The following ATP6V0A2 variants were observed in gnomAD, a reference collection of about 807,000 sequenced individuals.
The protein encoded by ATP6V0A2 is ATPase H+ transporting V0 subunit a2, also known as V-type proton ATPase 116 kDa subunit a 2.
In ATP6V0A2, 58 loss-of-function variants were observed where a neutral mutation model predicts 104.4. The ratio of observed to expected loss-of-function variants is 0.56; its 90% CI spans 0.45 to 0.69. The LOEUF (loss-of-function observed/expected upper bound fraction) is 0.69, where lower values mean the gene tolerates loss of function less well. ATP6V0A2 is among the 30% of genes least tolerant of loss of function. The probability of loss-of-function intolerance (pLI) is 0.00; values close to 1 mark genes in which losing one functional copy is unlikely to be tolerated. For synonymous variants in ATP6V0A2, 376 were observed against 397.9 expected (o/e 0.95, Z 0.65); for missense variants, 938 against 1,062.9 (o/e 0.88, Z 1.63).
rs546746967 is a variant in ATP6V0A2 at position 123,745,566 on chromosome 12, T to C, written c.1605+594T>C. Among the ~76,000 whole-genome samples the C allele has an allele frequency of 2.4e-3, 370 of 151,694 alleles. 3 individuals carry two copies. The highest frequency in any genetic ancestry group is 8.2e-3 in the African/African-American group (338 of 41,398). On this transcript the variant is annotated intron_variant, in intron 13 of 19. Transcript: ENST00000330342. ...CTAAAAATACAAAAAATTAGCTGGGTGTGGTGGCTGGCGCCTGTAGTCCCA... is the reference window on the plus strand; with the variant it reads ...CTAAAAATACAAAAAATTAGCTGGGCGTGGTGGCTGGCGCCTGTAGTCCCA...
intron 7 of ATP6V0A2, 37 bp from the exon 8 acceptor site, chr12:123,735,494 G>A: frequency 1.3e-6 from 2 of 1,581,622 alleles, no homozygotes; most frequent in South Asian, 1.1e-5. Flanking sequence ...TTCTAGTGCT[G>A]ACAGATGTGA....
chr12:123,736,640 G>T (rs564550596), intron 8 of ATP6V0A2, among the ~76,000 whole-genome samples: 1 of 152,202 alleles, frequency 6.6e-6, no homozygotes, highest in Non-Finnish European at 1.5e-5. Flanking sequence ...TCAGTTAAGC[G>T]AGAGGATTTC....
chr12:123,712,669 T>G lies in ATP6V0A2; in HGVS notation c.104T>G (p.Val35Gly). The change falls in exon 1 of 20, where the codon GTC (valine) becomes GGC (glycine). Residue 35 changes from valine (V) to glycine (G), a missense_variant. Transcript: ENST00000330342. ...AGCGCCCTGGGCGAGAAAGGCCTGGTCCAGTTCCGAGACGTGAGTGTCGCC... is the reference window on the plus strand; with the variant it reads ...AGCGCCCTGGGCGAGAAAGGCCTGGGCCAGTTCCGAGACGTGAGTGTCGCC... ...CLSALGEKGL[V>G]QFRDLNQNVS... The G allele has an allele frequency of 1.9e-6, 3 of 1,610,108 alleles. No individual in the cohort carries two copies. Among genetic ancestry groups the G allele is most frequent in the Non-Finnish European group, 2.5e-6 (3 of 1,178,852 alleles).
chr12:123,713,524 T>A (rs1956312454), intron 1 of ATP6V0A2, among the ~76,000 whole-genome samples: 1 of 152,166 alleles, frequency 6.6e-6, no homozygotes, highest in Non-Finnish European at 1.5e-5. Flanking sequence ...ATTTGTTGAA[T>A]GAACAGACAA....
intron 1 of ATP6V0A2, among the ~76,000 whole-genome samples, chr12:123,715,990 C>T (rs1956335114): frequency 1.3e-5 from 2 of 152,018 alleles, no homozygotes; most frequent in Non-Finnish European, 2.9e-5. Flanking sequence ...TTCTCACTTC[C>T]CAGACTAGAT....
chr12:123,757,683 G>A (rs753193807), intron 19 of ATP6V0A2, among the ~76,000 whole-genome samples: 2 of 152,164 alleles, frequency 1.3e-5, no homozygotes, highest in East Asian at 1.9e-4. Context: ...ACTTGTGCAC[G>A]TGCTTTTGTG....
At chr12:123,754,663 T>C in intron 18 of ATP6V0A2, 126 bp downstream of exon 18, 1 of 729,654 alleles carries the variant, frequency 1.4e-6, no homozygotes, top group Admixed American at 2.0e-5. Context: ...CCACGTGAAC[T>C]TACACTATTC....
At position 123,744,407 on chromosome 12, in the gene ATP6V0A2, C is replaced by T; in HGVS notation, c.1326+70C>T. On this transcript the variant is annotated intron_variant, in intron 11 of 19. Coordinates refer to ENST00000330342, the MANE Select transcript of ATP6V0A2 (RefSeq NM_012463.4). This position sits in a 1 kb window ranked among gnomAD's most constrained non-coding sequence, Gnocchi z 5.4. ...TTAGCAGTGACCGAAAGAGAGACAC[C>T]TCTTAGATGTTTGCTGTAGGCTGCG... 1.2e-6 allele frequency: 2 copies of T among 1,603,040 alleles called. No individual in the cohort carries two copies. Among genetic ancestry groups the T allele is most frequent in the Admixed American group, 3.3e-5 (2 of 59,986 alleles).
intron 9 of ATP6V0A2, among the ~76,000 whole-genome samples, chr12:123,742,402 G>C (rs558653791): frequency 2.8e-4 from 42 of 152,232 alleles, no homozygotes; most frequent in Admixed American, 5.2e-4. Context: ...GTGGGGACGT[G>C]GTTTGGCTGT....
intron 9 of ATP6V0A2, among the ~76,000 whole-genome samples, chr12:123,739,942 C>T (rs1956592189): frequency 6.6e-6 from 1 of 151,854 alleles, no homozygotes; most frequent in South Asian, 2.1e-4. Flanking sequence ...AATATCTTTT[C>T]TTTTTCTTTA....
rs144582379 is a variant in ATP6V0A2, at chr12:123,728,330, T to G, written c.648+421T>G. ...TCAAACTCCTGGCCTCAAGCAATCCTCCCACGTAGGCCTCTCAAAGCCTCC... is the reference window on the plus strand; with the variant it reads ...TCAAACTCCTGGCCTCAAGCAATCCGCCCACGTAGGCCTCTCAAAGCCTCC... On this transcript the variant is annotated intron_variant, in intron 6 of 19. Transcript: ENST00000330342. Among the ~76,000 whole-genome samples the G allele has an allele frequency of 2.5e-3, 382 of 151,384 alleles. 2 individuals carry two copies. Among genetic ancestry groups the G allele is most frequent in the African/African-American group, 8.9e-3 (365 of 41,240 alleles).
At chr12:123,723,258 A>G (rs781502464) in intron 3 of ATP6V0A2, 3 of 152,146 alleles carry the variant, frequency 2.0e-5, no homozygotes, top group Non-Finnish European at 4.4e-5. Flanking sequence ...CTTGTGATGT[A>G]ATTACAAACA....
chr12:123,754,367 A>G, intron 17 of ATP6V0A2, 53 bp from the exon 18 acceptor site: 1 of 1,346,520 alleles, frequency 7.4e-7, no homozygotes, highest in South Asian at 1.2e-5. Flanking sequence ...TGGCATGTAG[A>G]AGTACACATG....
chr12:123,758,089 CT>C lies in ATP6V0A2; in HGVS notation c.*60del. 8.1e-7 allele frequency: 1 copy of C among 1,236,188 alleles called. No individual in the cohort carries two copies. The highest frequency in any genetic ancestry group is 1.2e-6 in the Non-Finnish European group (1 of 840,672). 76.6% of individuals were successfully genotyped at this position (1,236,188 alleles called of 1,614,324 possible). A position where few individuals can be genotyped will look rare whatever the true frequency, so the allele number is the denominator to read the frequency against. On this transcript the variant is annotated 3_prime_UTR_variant, in exon 20 of 20. Transcript: ENST00000330342. ...TTATGGAGAATGACCATGTTATAGA[CT>C]TTCACTTATGTCAGATTTATGATAG...
intron 18 of ATP6V0A2, among the ~76,000 whole-genome samples, chr12:123,755,126 G>A (rs1476377580): frequency 2.0e-5 from 3 of 152,166 alleles, no homozygotes; most frequent in Admixed American, 6.5e-5. Flanking sequence ...ACCAGCCTAC[G>A]TGCGGCAGGT....
intron 9 of ATP6V0A2, 104 bp from the exon 10 acceptor site, chr12:123,743,681 C>T: frequency 7.4e-7 from 1 of 1,352,840 alleles, no homozygotes; most frequent in Non-Finnish European, 1.0e-6. Flanking sequence ...AACAACACCA[C>T]CAAAAAAAAC....
At chr12:123,726,090 T>C (rs1956445997) in intron 4 of ATP6V0A2, 107 bp from the exon 5 acceptor site, 1 of 811,426 alleles carries the variant, frequency 1.2e-6, no homozygotes, top group Non-Finnish European at 2.1e-6. Context: ...TGCACCCAGA[T>C]CTAAGTAGTT....
intron 17 of ATP6V0A2, among the ~76,000 whole-genome samples, chr12:123,752,993 A>G (rs929948915): frequency 1.3e-4 from 20 of 152,268 alleles, no homozygotes; most frequent in Admixed American, 5.2e-4. Context: ...GCTTGTTACT[A>G]TTAGGAAAGA....
intron 6 of ATP6V0A2, chr12:123,731,772 T>C (rs1262103329): frequency 1.3e-5 from 2 of 152,240 alleles, no homozygotes; most frequent in African/African-American, 4.8e-5. Context: ...AACTGACTTA[T>C]TCATTCATTG....
Sources: allele counts gnomAD v4.1 joint callset (sites outside exome capture counted in the v4.1 genomes callset), GRCh38; gene constraint gnomAD v4.1.1; non-coding constraint Gnocchi (gnomAD v3.1); transcripts MANE v1.5; gene names NCBI Gene and HGNC (gene_info 2026-07-23, HGNC 2026-07-21).